The following NKAIN2 variants were observed in gnomAD, a reference collection of about 807,000 sequenced individuals.
NKAIN2 encodes the protein sodium/potassium-transporting ATPase subunit beta-1-interacting protein 2.
NKAIN2 carries 14 observed loss-of-function variants against 32.6 expected under a neutral mutation model. That is an observed-to-expected ratio of 0.43 (90% CI 0.28 to 0.67). The LOEUF (loss-of-function observed/expected upper bound fraction) is 0.67. NKAIN2 is among the 30% of genes least tolerant of loss of function. The probability of loss-of-function intolerance (pLI) is 0.17; values close to 1 mark genes in which losing one functional copy is unlikely to be tolerated. For missense variants in NKAIN2, 198 were observed against 258.3 expected, an observed-to-expected ratio of 0.77 and a Z score of 1.60; for synonymous variants, 80 against 87.2, an observed-to-expected ratio of 0.92 and a Z score of 0.46.
At chr6:124,027,494 GC>G (rs1363209118) in intron 1 of NKAIN2, among the ~76,000 whole-genome samples, 2 of 152,036 alleles carry the variant, frequency 1.3e-5, no homozygotes, top group Non-Finnish European at 2.9e-5. Context: ...CCCTGCCTTA[GC>G]CCTTTCTCTG....
chr6:123,892,688 T>C (rs551034770), intron 1 of NKAIN2, among the ~76,000 whole-genome samples: 1 of 151,888 alleles, frequency 6.6e-6, no homozygotes, highest in Non-Finnish European at 1.5e-5. Context: ...ACATACTTTT[T>C]AAATATTCAT....
At chr6:124,568,291 G>A (rs781251901) in intron 3 of NKAIN2, among the ~76,000 whole-genome samples, 5 of 152,134 alleles carry the variant, frequency 3.3e-5, no homozygotes, top group African/African-American at 4.8e-5. Flanking sequence ...GTATTTAGAC[G>A]AGCAATTAGT....
intron 4 of NKAIN2, among the ~76,000 whole-genome samples, chr6:124,693,328 G>C (rs757900258): frequency 6.6e-6 from 1 of 152,188 alleles, no homozygotes; most frequent in Admixed American, 6.5e-5. Context: ...TAGTCTAGGA[G>C]TGATAGGCTA....
chr6:124,708,709 A>G (rs1422286031), intron 4 of NKAIN2, among the ~76,000 whole-genome samples: 4 of 152,136 alleles, frequency 2.6e-5, no homozygotes, highest in African/African-American at 9.7e-5. Context: ...ACTTTGCTGA[A>G]GTTGCTTATC....
At chr6:124,631,373 G>C (rs1390981066) in intron 3 of NKAIN2, among the ~76,000 whole-genome samples, 1 of 152,116 alleles carries the variant, frequency 6.6e-6, no homozygotes, top group Non-Finnish European at 1.5e-5. Flanking sequence ...GAACTAGATA[G>C]ACTGATATCC....
At chr6:124,197,272 T>C (rs945668732) in intron 1 of NKAIN2, among the ~76,000 whole-genome samples, 3 of 151,398 alleles carry the variant, frequency 2.0e-5, no homozygotes, top group African/African-American at 4.8e-5. Context: ...ATCTTTCTTC[T>C]TTTTTTTTCT....
chr6:124,386,888 G>T (rs908736019), intron 3 of NKAIN2, among the ~76,000 whole-genome samples: 1 of 152,108 alleles, frequency 6.6e-6, no homozygotes, highest in Admixed American at 6.6e-5. Context: ...ACACATCAAT[G>T]ATTTTACAAT....
At chr6:124,466,242 C>T (rs1313993146) in intron 3 of NKAIN2, among the ~76,000 whole-genome samples, 1 of 152,072 alleles carries the variant, frequency 6.6e-6, no homozygotes, top group Non-Finnish European at 1.5e-5. Flanking sequence ...CCAACCATGA[C>T]GTTATAACTC....
At chr6:124,076,103 T>C (rs1345067821) in intron 1 of NKAIN2, among the ~76,000 whole-genome samples, 1 of 152,216 alleles carries the variant, frequency 6.6e-6, no homozygotes, top group Non-Finnish European at 1.5e-5. Context: ...AGTCCCAGCA[T>C]TGGCTATCAG....
intron 1 of NKAIN2, among the ~76,000 whole-genome samples, chr6:124,000,224 T>C (rs1349381730): frequency 3.3e-5 from 5 of 152,058 alleles, no homozygotes; most frequent in African/African-American, 4.8e-5. Flanking sequence ...GACTCAGAAT[T>C]TCAATTCTTA....
chr6:124,634,690 A>G (rs1444799943), intron 3 of NKAIN2, among the ~76,000 whole-genome samples: 1 of 152,048 alleles, frequency 6.6e-6, no homozygotes, highest in East Asian at 1.9e-4. Context: ...ATAACTAAAA[A>G]TTTTCCAAGT....
At chr6:124,277,495 C>G (rs960554133) in intron 1 of NKAIN2, among the ~76,000 whole-genome samples, 2 of 151,490 alleles carry the variant, frequency 1.3e-5, no homozygotes, top group African/African-American at 4.9e-5. Context: ...GATGCTATAA[C>G]AGGCTAATTT....
intron 4 of NKAIN2, among the ~76,000 whole-genome samples, chr6:124,725,732 G>C (rs1486491742): frequency 6.6e-6 from 1 of 152,156 alleles, no homozygotes; most frequent in Non-Finnish European, 1.5e-5. Context: ...GAACAGCTCT[G>C]GTCTACAGCT....
chr6:124,167,531 C>T (rs544520983), intron 1 of NKAIN2, among the ~76,000 whole-genome samples: 12 of 152,214 alleles, frequency 7.9e-5, no homozygotes, highest in African/African-American at 2.9e-4. Flanking sequence ...GCCTGAATGC[C>T]CTGGCCAGAA....
At chr6:124,297,698 C>T (rs150622021) in intron 2 of NKAIN2, among the ~76,000 whole-genome samples, 23 of 139,640 alleles carry the variant, frequency 1.6e-4, no homozygotes, top group Non-Finnish European at 2.4e-4. Context: ...GAGCTGTTTC[C>T]GAGTCGGCCA....
intron 1 of NKAIN2, among the ~76,000 whole-genome samples, chr6:123,999,773 G>A (rs1036510671): frequency 3.3e-5 from 5 of 152,066 alleles, no homozygotes; most frequent in African/African-American, 1.2e-4. Flanking sequence ...AGAGGTCAGA[G>A]ACTATATCCC....
Position 124,730,369 on chromosome 6 carries a change from T to C in NKAIN2, c.475-60970T>C, listed in dbSNP as rs1287142065. Among the ~76,000 whole-genome samples, 3 of 104,462 alleles carry C rather than the reference T, an allele frequency of 2.9e-5. 1 individual carries two copies. Among genetic ancestry groups the C allele is most frequent in the African/African-American group, 1.1e-4 (3 of 26,944 alleles). The allele number at this position is 104,462 out of a possible 152,430, so 68.5% of individuals were successfully genotyped here. A position where few individuals can be genotyped will look rare whatever the true frequency, so the allele number is the denominator to read the frequency against. On this transcript the variant is annotated intron_variant, in intron 4 of 6. Transcript: ENST00000368417. ...ACTGATACCAAAACAGAGATATAGA[T>C]CAATGGAACAGAACAGAGCCCTCAG...
chr6:124,009,487 C>T (rs547311234), intron 1 of NKAIN2, among the ~76,000 whole-genome samples: 79 of 152,200 alleles, frequency 5.2e-4, no homozygotes, highest in African/African-American at 1.5e-3. Context: ...TGCTGGGTGG[C>T]GGCTTACGAT....
chr6:124,658,703 T>C (rs1238692115), intron 4 of NKAIN2: 1 of 545,666 alleles, frequency 1.8e-6, no homozygotes, highest in Non-Finnish European at 3.1e-6. Flanking sequence ...TCAGAGATTT[T>C]TTTCATAACG....
Sources: allele counts gnomAD v4.1 joint callset (sites outside exome capture counted in the v4.1 genomes callset), GRCh38; gene constraint gnomAD v4.1.1; transcripts MANE v1.5; gene names NCBI Gene and HGNC (gene_info 2026-07-23, HGNC 2026-07-21).